TNIK: variants seen among roughly 807,000 people sequenced by gnomAD.
The protein encoded by TNIK is TRAF2 and NCK-interacting protein kinase.
Under a neutral mutation model 191.3 loss-of-function variants are expected in TNIK, and 49 were observed. That is an observed-to-expected ratio of 0.26 (90% CI 0.20 to 0.32). The LOEUF (loss-of-function observed/expected upper bound fraction) is 0.32. Among genes scored for constraint, TNIK ranks in the 10% least tolerant of loss-of-function variants. The pLI is 1.00. For missense variants in TNIK, 1,155 were observed against 1,702.3 expected, an observed-to-expected ratio of 0.68 and a Z score of 5.66; for synonymous variants, 594 against 600.9, an observed-to-expected ratio of 0.99 and a Z score of 0.17.
chr3:171,139,885 G>C (rs1730572161), intron 13 of TNIK, among the ~76,000 whole-genome samples: 2 of 152,184 alleles, frequency 1.3e-5, no homozygotes, highest in South Asian at 2.1e-4. Context: ...AATTAACAAT[G>C]CTATAAAGTT....
intron 23 of TNIK, among the ~76,000 whole-genome samples, chr3:171,090,917 C>T (rs1364581448): frequency 6.6e-6 from 1 of 152,172 alleles, no homozygotes; most frequent in Non-Finnish European, 1.5e-5. Flanking sequence ...GTGAGTTCTC[C>T]TAAAGTTCAT....
chr3:171,152,774 T>C (rs1240340074), intron 12 of TNIK, among the ~76,000 whole-genome samples: 1 of 66,974 alleles, frequency 1.5e-5, no homozygotes, highest in African/African-American at 1.2e-4. Flanking sequence ...TTTTTGTTTT[T>C]TGTTTTTTTT....
intron 27 of TNIK, 102 bp downstream of exon 27, chr3:171,082,149 G>C: frequency 2.1e-6 from 3 of 1,454,396 alleles, no homozygotes; most frequent in Non-Finnish European, 2.8e-6. Flanking sequence ...TTATTGTGTT[G>C]TTTGTTAGCT....
intron 1 of TNIK, among the ~76,000 whole-genome samples, chr3:171,392,909 C>T (rs1719754567): frequency 6.6e-6 from 1 of 151,986 alleles, no homozygotes; most frequent in Middle Eastern, 3.4e-3. Flanking sequence ...GAGTAATAAT[C>T]CTTGGTAGTA....
At chr3:171,085,546 A>G (rs1721239745) in intron 24 of TNIK, among the ~76,000 whole-genome samples, 1 of 152,244 alleles carries the variant, frequency 6.6e-6, no homozygotes, top group Non-Finnish European at 1.5e-5. Context: ...TCTCCCTTTC[A>G]GTAAAAGCAA....
Position 171,451,113 on chromosome 3 carries a change from C to T in TNIK, c.57+8894G>A, listed in dbSNP as rs80051099. Among the ~76,000 whole-genome samples the T allele has an allele frequency of 8.8e-4, 134 of 152,270 alleles. 2 individuals carry two copies. In the East Asian group the frequency reaches 0.025, roughly 28 times the overall value. ...GTTAATATTCTTGTGTAGTCCCCTT[C>T]GAAATGAATAGGGCTGACTTGGGTA... On this transcript the variant is annotated intron_variant, in intron 1 of 32. Transcript: ENST00000436636.
chr3:171,293,591 A>T (rs1164260186), intron 2 of TNIK, among the ~76,000 whole-genome samples: 1 of 152,254 alleles, frequency 6.6e-6, no homozygotes, highest in Non-Finnish European at 1.5e-5. Context: ...CCCCTTTTCA[A>T]CACAGAGACA....
intron 1 of TNIK, among the ~76,000 whole-genome samples, chr3:171,459,058 T>A (rs35225062): frequency 0.19 from 28,115 of 151,966 alleles, 3,106 homozygotes; most frequent in South Asian, 0.3. Context: ...CCTGGTATTC[T>A]GATCTCAAAA....
rs537771347 is a variant in TNIK, at chr3:171,192,599, T to C, written c.418-1812A>G. On this transcript the variant is annotated intron_variant, in intron 5 of 32. Coordinates refer to ENST00000436636, the MANE Select transcript of TNIK (RefSeq NM_015028.4). The stretch of plus-strand genomic sequence containing the variant: ...CTGCTGCTTTTAGAACCATGAAGAT[T>C]AGATCAAATGACTGATCCTCTGTAG... Among the ~76,000 whole-genome samples, 176 of 152,336 alleles carry C rather than the reference T, an allele frequency of 1.2e-3. 1 individual carries two copies. The highest frequency in any genetic ancestry group is 4.1e-3 in the African/African-American group (169 of 41,582).
At chr3:171,365,960 G>C (rs1001064385) in intron 2 of TNIK, among the ~76,000 whole-genome samples, 1 of 152,170 alleles carries the variant, frequency 6.6e-6, no homozygotes, top group Non-Finnish European at 1.5e-5. Context: ...TTAGGAGACA[G>C]GAAAAACCAA....
At chr3:171,242,262 G>A (rs1355336354) in intron 2 of TNIK, among the ~76,000 whole-genome samples, 1 of 151,928 alleles carries the variant, frequency 6.6e-6, no homozygotes, top group East Asian at 1.9e-4. Context: ...TGCCTAAACT[G>A]TTAAGACCTC....
At chr3:171,445,366 C>T (rs1338700831) in intron 1 of TNIK, among the ~76,000 whole-genome samples, 1 of 151,016 alleles carries the variant, frequency 6.6e-6, no homozygotes, top group South Asian at 2.1e-4. Flanking sequence ...CTGCAGTGAG[C>T]TGAGATCGCA....
chr3:171,224,556 C>G (rs1411007373), intron 3 of TNIK, among the ~76,000 whole-genome samples: 1 of 152,092 alleles, frequency 6.6e-6, no homozygotes, highest in Admixed American at 6.6e-5. Flanking sequence ...GTGGTACTCT[C>G]ATTTTGATGT....
At chr3:171,297,311 C>T (rs938747641) in intron 2 of TNIK, among the ~76,000 whole-genome samples, 7 of 152,172 alleles carry the variant, frequency 4.6e-5, no homozygotes, top group African/African-American at 9.7e-5. Context: ...ACAAATAAGG[C>T]GATATGTTGG....
At chr3:171,303,646 A>T (rs1753115559) in intron 2 of TNIK, among the ~76,000 whole-genome samples, 1 of 152,176 alleles carries the variant, frequency 6.6e-6, no homozygotes, top group South Asian at 2.1e-4. Context: ...TTCACATAAA[A>T]ACCTTAGAAC....
At chr3:171,305,905 C>T (rs1753396185) in intron 2 of TNIK, among the ~76,000 whole-genome samples, 1 of 152,136 alleles carries the variant, frequency 6.6e-6, no homozygotes, top group South Asian at 2.1e-4. Context: ...ACCATAAAGA[C>T]ACATGCATGC....
In TNIK at chr3:171,101,545, G is replaced by C. The variant is rs1277124864; in HGVS notation, c.2495C>G (p.Ser832Cys). ...CTCGCTACTTTCTGACTCCTCACTG[G>C]AGGAGGAGTAATCAGTCACCTTCTT... is the stretch of plus-strand genomic sequence containing the variant. ...PMKKVTDYSS[S>C]SEESESSEEE... The change falls in exon 22 of 33, where the codon TCC becomes TGC. Residue 832 changes from serine to cysteine, a missense_variant. By Grantham distance (112) the Ser-to-Cys change is moderately radical (BLOSUM62 -1). Coordinates refer to ENST00000436636, the MANE Select transcript of TNIK (RefSeq NM_015028.4). 1.9e-6 allele frequency: 3 copies of C among 1,613,294 alleles called. No homozygotes were observed. Among genetic ancestry groups the C allele is most frequent in the East Asian group, 2.2e-5 (1 of 44,884 alleles).
At chr3:171,266,787 C>A (rs377703233) in intron 2 of TNIK, among the ~76,000 whole-genome samples, 8 of 152,284 alleles carry the variant, frequency 5.3e-5, no homozygotes, top group Admixed American at 4.6e-4. Context: ...TCTTGAGAAA[C>A]CAGAAGTCAG....
At chr3:171,088,308 C>T (rs1721628585) in intron 23 of TNIK, among the ~76,000 whole-genome samples, 1 of 150,806 alleles carries the variant, frequency 6.6e-6, no homozygotes, top group South Asian at 2.1e-4. Context: ...GATCTTGGCT[C>T]ACTGCAACCT....
Sources: gnomAD v4.1 joint callset for allele counts (sites outside exome capture counted in the v4.1 genomes callset) on GRCh38, gnomAD v4.1.1 for gene constraint, MANE v1.5 for transcripts, NCBI Gene and HGNC (gene_info 2026-07-23, HGNC 2026-07-21) for gene names.